DYNAP: variants seen among roughly 807,000 people sequenced by gnomAD.
DYNAP encodes the protein dynactin associated protein.
DYNAP carries 7 observed loss-of-function variants against 8.5 expected under a neutral mutation model. The ratio of observed to expected loss-of-function variants is 0.82; its 90% CI spans 0.47 to 1.54. The LOEUF is 1.54. Ranked by LOEUF, DYNAP falls within the 40% of genes most tolerant of loss-of-function variation. The pLI, the probability that DYNAP is intolerant of heterozygous loss-of-function variation, is 0.01. For synonymous variants in DYNAP, 77 were observed against 77.9 expected (o/e 0.99, Z 0.06); for missense variants, 256 against 224.3 (o/e 1.14, Z -0.90).
At chr18:54,591,736 T>C (rs192773123) in intron 1 of DYNAP, among the ~76,000 whole-genome samples, 206 of 152,248 alleles carry the variant, frequency 1.4e-3, no homozygotes, top group Non-Finnish European at 2.3e-3. Flanking sequence ...TTTCTTAATA[T>C]GCTGAAAAAC....
chr18:54,578,494 A>G, the DYNAP span, among the ~76,000 whole-genome samples: 1 of 152,260 alleles, frequency 6.6e-6, no homozygotes, highest in Non-Finnish European at 1.5e-5. Flanking sequence ...GGTTTCAAAT[A>G]TAAAGAGCAA....
the DYNAP span, among the ~76,000 whole-genome samples, chr18:54,580,912 A>G: frequency 1.3e-5 from 2 of 152,136 alleles, no homozygotes; most frequent in Non-Finnish European, 2.9e-5. Context: ...AGATCATGTA[A>G]TTTTCCTAGA....
At chr18:54,595,795 G>C (rs959194180) in intron 2 of DYNAP, among the ~76,000 whole-genome samples, 2 of 152,042 alleles carry the variant, frequency 1.3e-5, no homozygotes, top group South Asian at 4.2e-4. Flanking sequence ...TTGGCAGTTT[G>C]GTTTGATTCC....
At chr18:54,591,071 T>G, upstream of DYNAP, 1 of 847,814 alleles carries the variant, frequency 1.2e-6, no homozygotes. Flanking sequence ...CTGGTTTTCT[T>G]GCGTCTTTCT....
At chr18:54,588,190 T>A (rs887985817), upstream of DYNAP, among the ~76,000 whole-genome samples, 2 of 150,946 alleles carry the variant, frequency 1.3e-5, no homozygotes, top group Non-Finnish European at 2.9e-5. Flanking sequence ...AGGCACTCAA[T>A]AAACAGTTGG....
the DYNAP span, among the ~76,000 whole-genome samples, chr18:54,576,775 C>A: frequency 1.3e-5 from 2 of 151,326 alleles, no homozygotes; most frequent in Non-Finnish European, 2.9e-5. Flanking sequence ...TGCACTCTGG[C>A]CTTGGTGACA....
At chr18:54,590,532 T>C (rs1248132019), upstream of DYNAP, among the ~76,000 whole-genome samples, 1 of 152,158 alleles carries the variant, frequency 6.6e-6, no homozygotes, top group Non-Finnish European at 1.5e-5. Flanking sequence ...ACAAAGAGAA[T>C]AGGAATTTTT....
upstream of DYNAP, among the ~76,000 whole-genome samples, chr18:54,585,279 C>A (rs1910837444): frequency 6.6e-6 from 1 of 151,826 alleles, no homozygotes; most frequent in Non-Finnish European, 1.5e-5. Context: ...ACTAGTTATT[C>A]TACATCTAAT....
the DYNAP span, among the ~76,000 whole-genome samples, chr18:54,580,489 A>G: frequency 4.6e-5 from 7 of 152,224 alleles, no homozygotes; most frequent in Admixed American, 4.6e-4. Flanking sequence ...TTGAATGTAC[A>G]CCAACAACAG....
At chr18:54,578,112 C>T in the DYNAP span, among the ~76,000 whole-genome samples, 2 of 152,090 alleles carry the variant, frequency 1.3e-5, no homozygotes, top group Non-Finnish European at 2.9e-5. Flanking sequence ...AGGTATCAGT[C>T]CTGGAGAGGG....
At chr18:54,581,923 G>A in the DYNAP span, among the ~76,000 whole-genome samples, 1 of 152,174 alleles carries the variant, frequency 6.6e-6, no homozygotes, top group Admixed American at 6.5e-5. Context: ...GATTAAAGTT[G>A]TACTGAAATC....
the DYNAP span, among the ~76,000 whole-genome samples, chr18:54,581,862 T>G: frequency 6.6e-6 from 1 of 152,202 alleles, no homozygotes; most frequent in African/African-American, 2.4e-5. Flanking sequence ...TTCTTCCACT[T>G]AGCTCCACAA....
At chr18:54,581,975 T>A in the DYNAP span, among the ~76,000 whole-genome samples, 1 of 152,172 alleles carries the variant, frequency 6.6e-6, no homozygotes, top group African/African-American at 2.4e-5. Flanking sequence ...TGTTTCTTTC[T>A]TACTAATACA....
intron 1 of DYNAP, among the ~76,000 whole-genome samples, chr18:54,592,710 T>G (rs1256254637): frequency 6.6e-6 from 1 of 152,150 alleles, no homozygotes; most frequent in East Asian, 1.9e-4. Flanking sequence ...GCTCTTCAAC[T>G]CTTCCAGTTT....
chr18:54,588,447 T>C (rs375127089), upstream of DYNAP, among the ~76,000 whole-genome samples: 356 of 152,202 alleles, frequency 2.3e-3, 5 homozygotes, highest in South Asian at 0.03. Flanking sequence ...TCAGGTGATT[T>C]GCCCACCTCA....
chr18:54,595,134 G>A, intron 2 of DYNAP, 31 bp downstream of exon 2: 1 of 1,592,498 alleles, frequency 6.3e-7, no homozygotes, highest in Non-Finnish European at 8.6e-7. Context: ...TTTTATTCAA[G>A]TTGGGATGTG....
upstream of DYNAP, among the ~76,000 whole-genome samples, chr18:54,585,106 C>T (rs375992297): frequency 7.2e-5 from 11 of 152,206 alleles, no homozygotes; most frequent in African/African-American, 2.6e-4. Flanking sequence ...TGTGGTCCTC[C>T]TCAGGTGTGA....
rs890181575 is a variant in DYNAP at position 54,595,243 on chromosome 18, A to G, written c.222+140A>G. ...ATTAAGCATTTGCTGTATTCTCAGT[A>G]TAGGTACAAGTCACTGTGAGGCAAT... On this transcript the variant is annotated intron_variant, in intron 2 of 2. Transcript: ENST00000648945. 36 of 1,003,764 alleles carry G rather than the reference A, an allele frequency of 3.6e-5. No individual in the cohort carries two copies. In the East Asian group the frequency reaches 1.0e-3, roughly 29 times the overall value. The allele number at this position is 1,003,764 out of a possible 1,614,324, so 62.2% of individuals were successfully genotyped here. A position where few individuals can be genotyped will look rare whatever the true frequency, so the allele number is the denominator to read the frequency against.
the DYNAP span, among the ~76,000 whole-genome samples, chr18:54,577,282 T>G: frequency 6.0e-3 from 911 of 152,212 alleles, 16 homozygotes; most frequent in African/African-American, 0.02. Context: ...TTTATTAAGC[T>G]CCCTCTAGAA....
Sources: gnomAD v4.1 joint callset for allele counts (sites outside exome capture counted in the v4.1 genomes callset) on GRCh38, gnomAD v4.1.1 for gene constraint, MANE v1.5 for transcripts, NCBI Gene and HGNC (gene_info 2026-07-23, HGNC 2026-07-21) for gene names.